The following FOXD1 variants were observed in gnomAD, a reference collection of about 807,000 sequenced individuals.
The protein encoded by FOXD1 is forkhead box protein D1.
Under a neutral mutation model 2.0 loss-of-function variants are expected in FOXD1, and 4 were observed. That is an observed-to-expected ratio of 2.03 (90% confidence interval 1.00 to 4.64). The LOEUF is 4.64. Ranked by LOEUF, FOXD1 falls within the 30% of genes most tolerant of loss-of-function variation. FOXD1 has a pLI of 0.01. For missense variants in FOXD1, 586 were observed against 647.6 expected, an observed-to-expected ratio of 0.90 and a Z score of 1.03; for synonymous variants, 354 against 328.5, an observed-to-expected ratio of 1.08 and a Z score of -0.84.
In FOXD1 at chr5:73,448,444, CGGCAGGCCCGGCCGGGG is replaced by C. The variant is rs1745555718; in HGVS notation, c.-99_-83del. ...TCTGCGCCCCAGCCCGGGTCCCGGG[CGGCAGGCCCGGCCGGGG>C]GGCGCCACGCTGGGGGCGCTGCGAC... On this transcript the variant is annotated 5_prime_UTR_variant, in exon 1 of 1. Coordinates refer to ENST00000615637, the MANE Select transcript of FOXD1 (RefSeq NM_004472.3). The C allele has an allele frequency of 2.2e-6, 2 of 917,046 alleles. No individual in the cohort carries two copies. Among genetic ancestry groups the C allele is most frequent in the Non-Finnish European group, 2.6e-6 (2 of 759,044 alleles). The allele number at this position is 917,046 out of a possible 1,614,324, so 56.8% of individuals were successfully genotyped here.
At position 73,447,258 on chromosome 5, in the gene FOXD1, C is replaced by G. The variant is rs1034279109; in HGVS notation, c.1105G>C (p.Gly369Arg). 7.1e-5 allele frequency: 70 copies of G among 991,274 alleles called. No individual in the cohort carries two copies. The African/African-American group carries it at 9.4e-4, about 13-fold the overall frequency. 61.4% of individuals were successfully genotyped at this position (991,274 alleles called of 1,614,324 possible). Residue 369 changes from glycine (G) to arginine (R), a missense_variant, in exon 1 of 1, where the codon GGG (glycine) becomes CGG (arginine). By Grantham distance (125) the Gly-to-Arg change is moderately radical (BLOSUM62 -2). This residue lies in a region of FOXD1 where 253 missense variants were observed against 234.4 expected (regional missense o/e 1.08). Coordinates refer to ENST00000615637, the MANE Select transcript of FOXD1 (RefSeq NM_004472.3). The surrounding 1 kb of genome is among the most constrained non-coding windows in gnomAD (Gnocchi z 7.8). The stretch of plus-strand genomic sequence containing the variant: ...GCGGCGGCCGGGCCCAAGCTGCCCC[C>G]GATGATGCTCTCGATGGAGAAGGGC... ...RSPFSIESII[G>R]GSLGPAAAAA... is the part of the protein sequence containing the mutation.
rs1184644657 is a variant in FOXD1 at position 73,447,788 on chromosome 5, T to A, written c.575A>T (p.Asn192Ile). The A allele has an allele frequency of 6.2e-7, 1 of 1,610,218 alleles. No homozygotes were observed. ...CGTCCAGTAGTTGCCCTTGCCCGGG[T>A]TGCCGGGCTCGCGGGGGATCTTGAC... ...CFVKIPREPG[N>I]PGKGNYWTLD... The change falls in exon 1 of 1, where the codon AAC becomes ATC. Residue 192 changes from asparagine (N) to isoleucine (I), a missense_variant. Around this residue, in one of 4 missense-constraint regions of FOXD1, gnomAD observed 104 missense variants for 175.4 expected, o/e 0.59. Transcript: ENST00000615637. This position sits in a 1 kb window ranked among gnomAD's most constrained non-coding sequence, Gnocchi z 7.8.
Position 73,447,275 on chromosome 5 carries a change from G to A in FOXD1, c.1088C>T (p.Ser363Phe). ...GASALARSPFSIESIIGGSLG... is the reference protein window; with the variant it reads ...GASALARSPFFIESIIGGSLG... Reference sequence around the variant, plus strand: ...GCTGCCCCCGATGATGCTCTCGATGGAGAAGGGCGAGCGCGCCAGCGCTGA... The same window carrying A: ...GCTGCCCCCGATGATGCTCTCGATGAAGAAGGGCGAGCGCGCCAGCGCTGA... The change falls in exon 1 of 1, where the codon TCC becomes TTC. Residue 363 changes from serine (S) to phenylalanine (F), a missense_variant. Ser to Phe is a radical substitution (Grantham distance 155). Coordinates refer to ENST00000615637, the MANE Select transcript of FOXD1 (RefSeq NM_004472.3). This position sits in a 1 kb window ranked among gnomAD's most constrained non-coding sequence, Gnocchi z 7.8. The A allele has an allele frequency of 2.0e-6, 2 of 990,056 alleles. No individual in the cohort carries two copies. Among genetic ancestry groups the A allele is most frequent in the Non-Finnish European group, 1.2e-6 (1 of 835,706 alleles). 61.3% of individuals were successfully genotyped at this position (990,056 alleles called of 1,614,324 possible). A position where few individuals can be genotyped will look rare whatever the true frequency, so the allele number is the denominator to read the frequency against.
At position 73,448,438 on chromosome 5, in the gene FOXD1, C is replaced by A; in HGVS notation, c.-76G>T. The A allele has an allele frequency of 1.0e-6, 1 of 990,848 alleles. No individual in the cohort carries two copies. The highest frequency in any genetic ancestry group is 1.2e-6 in the Non-Finnish European group (1 of 819,722). The allele number at this position is 990,848 out of a possible 1,614,324, so 61.4% of individuals were successfully genotyped here. ...GCTCCCTCTGCGCCCCAGCCCGGGT[C>A]CCGGGCGGCAGGCCCGGCCGGGGGG... On this transcript the variant is annotated 5_prime_UTR_variant, in exon 1 of 1. Coordinates refer to ENST00000615637, the MANE Select transcript of FOXD1 (RefSeq NM_004472.3).
rs1261592389 is a variant in FOXD1 at position 73,447,060 on chromosome 5, A to AGGCGGC, written c.1297_1302dup (p.Ala433_Ala434dup). On this transcript the variant is annotated inframe_insertion, in exon 1 of 1. Coordinates refer to ENST00000615637, the MANE Select transcript of FOXD1 (RefSeq NM_004472.3). The surrounding 1 kb of genome is among the most constrained non-coding windows in gnomAD (Gnocchi z 7.8). ...AAGGCGGCGGACGAGGAGACTGAGG[A>AGGCGGC]GGCGGCGGCGGCCGCGGCGGCCACG... 3 of 1,516,688 alleles carry AGGCGGC rather than the reference A, an allele frequency of 2.0e-6. No individual in the cohort carries two copies. In the South Asian group the frequency reaches 3.6e-5, roughly 18 times the overall value. 94.0% of individuals were successfully genotyped at this position (1,516,688 alleles called of 1,614,324 possible). A position where few individuals can be genotyped will look rare whatever the true frequency, so the allele number is the denominator to read the frequency against.
chr5:73,447,480 C>A lies in FOXD1; in HGVS notation c.883G>T (p.Ala295Ser), dbSNP rs1217552193. The change falls in exon 1 of 1, where the codon GCA (alanine) becomes TCA (serine). Residue 295 changes from alanine to serine, a missense_variant. By Grantham distance (99) the Ala-to-Ser change is moderately conservative (BLOSUM62 1). Coordinates refer to ENST00000615637, the MANE Select transcript of FOXD1 (RefSeq NM_004472.3). This position sits in a 1 kb window ranked among gnomAD's most constrained non-coding sequence, Gnocchi z 7.8. ...GCGGCGGCGGCGGCGGCGGCCGCTG[C>A]GGCGGCGAAGAGGGCCGAGGGCGGC... ...YAPPSALFAAAAAAAAAAAFH... is the reference protein window; with the variant it reads ...YAPPSALFAASAAAAAAAAFH... 4.0e-6 allele frequency: 4 copies of A among 996,512 alleles called. No homozygotes were observed. Among genetic ancestry groups the A allele is most frequent in the Non-Finnish European group, 4.8e-6 (4 of 840,674 alleles). The allele number at this position is 996,512 out of a possible 1,614,324, so 61.7% of individuals were successfully genotyped here.
In FOXD1 at chr5:73,447,308, G is replaced by C. The variant is rs951256776; in HGVS notation, c.1055C>G (p.Pro352Arg). 5.2e-5 allele frequency: 51 copies of C among 984,900 alleles called. 1 individual carries two copies. The highest frequency in any genetic ancestry group is 6.1e-5 in the Non-Finnish European group (51 of 831,218). 61.0% of individuals were successfully genotyped at this position (984,900 alleles called of 1,614,324 possible). A position where few individuals can be genotyped will look rare whatever the true frequency, so the allele number is the denominator to read the frequency against. The change falls in exon 1 of 1, where the codon CCG becomes CGG. Residue 352 changes from proline (P) to arginine (R), a missense_variant. By Grantham distance (103) the Pro-to-Arg change is moderately radical. Coordinates refer to ENST00000615637, the MANE Select transcript of FOXD1 (RefSeq NM_004472.3). This position sits in a 1 kb window ranked among gnomAD's most constrained non-coding sequence, Gnocchi z 7.8. ...CGAGCGCGCCAGCGCTGAGGCGCCC[G>C]GGCCGCCCGCCTTGGCCGCGGAGGC... ...LPASAAKAGG[P>R]GASALARSPF...
At position 73,448,059 on chromosome 5, in the gene FOXD1, C is replaced by G; in HGVS notation, c.304G>C (p.Gly102Arg). 8.2e-7 allele frequency: 1 copy of G among 1,214,048 alleles called. No homozygotes were observed. The highest frequency in any genetic ancestry group is 1.0e-6 in the Non-Finnish European group (1 of 971,420). 75.2% of individuals were successfully genotyped at this position (1,214,048 alleles called of 1,614,324 possible). The change falls in exon 1 of 1, where the codon GGG (glycine) becomes CGG (arginine). Residue 102 changes from glycine to arginine, a missense_variant. Gly to Arg is a moderately radical substitution (Grantham distance 125). Coordinates refer to ENST00000615637, the MANE Select transcript of FOXD1 (RefSeq NM_004472.3). Reference protein sequence around the residue: ...PAPAAGAGAGGGGGGGGAGGG... With the variant: ...PAPAAGAGAGRGGGGGGAGGG... ...CCCGCGCCGCCGCCGCCGCCGCCCCCACCGGCTCCTGCCCCCGCCGCCGGG... is the reference window on the plus strand; with the variant it reads ...CCCGCGCCGCCGCCGCCGCCGCCCCGACCGGCTCCTGCCCCCGCCGCCGGG...
rs766114751 is a variant in FOXD1, at chr5:73,447,779, T to G, written c.584A>C (p.Lys195Thr). ...CGGGTCCAGCGTCCAGTAGTTGCCC[T>G]TGCCCGGGTTGCCGGGCTCGCGGGG... ...KIPREPGNPGKGNYWTLDPES... is the reference protein window; with the variant it reads ...KIPREPGNPGTGNYWTLDPES... The change falls in exon 1 of 1, where the codon AAG (lysine) becomes ACG (threonine). Residue 195 changes from lysine (K) to threonine (T), a missense_variant. Lys to Thr is a moderately conservative substitution (Grantham distance 78). Around this residue, in one of 4 missense-constraint regions of FOXD1, gnomAD observed 104 missense variants for 175.4 expected, o/e 0.59. Transcript: ENST00000615637. The surrounding 1 kb of genome is among the most constrained non-coding windows in gnomAD (Gnocchi z 7.8). 6.2e-7 allele frequency: 1 copy of G among 1,611,448 alleles called. No homozygotes were observed. Among genetic ancestry groups the G allele is most frequent in the Non-Finnish European group, 8.5e-7 (1 of 1,178,852 alleles).
rs1745529723 is a variant in FOXD1, at chr5:73,447,577, G to A, written c.786C>T (p.Pro262=). The A allele has an allele frequency of 2.4e-5, 27 of 1,109,530 alleles. No homozygotes were observed. The highest frequency in any genetic ancestry group is 3.0e-5 in the Non-Finnish European group (27 of 906,270). The allele number at this position is 1,109,530 out of a possible 1,614,324, so 68.7% of individuals were successfully genotyped here. A position where few individuals can be genotyped will look rare whatever the true frequency, so the allele number is the denominator to read the frequency against. The part of the protein sequence containing the change: ...AAAAALFPPA[P]PPPPHAYGYG... Reference sequence around the variant, plus strand: ...AGCCGTAGGCATGCGGGGGCGGCGGGGGCGCGGGCGGGAAGAGCGCGGCGG... The same window carrying A: ...AGCCGTAGGCATGCGGGGGCGGCGGAGGCGCGGGCGGGAAGAGCGCGGCGG... Residue 262 remains proline, a synonymous_variant, in exon 1 of 1, where the codon CCC becomes CCT. Transcript: ENST00000615637. The surrounding 1 kb of genome is among the most constrained non-coding windows in gnomAD (Gnocchi z 7.8).
chr5:73,448,536 C>T lies in FOXD1; in HGVS notation c.-174G>A. ...GCTGCCGGGTGGCGGCGGAGTCTCG[C>T]GCGCCGACTTTATAACTCCTGCGCC... On this transcript the variant is annotated 5_prime_UTR_variant, in exon 1 of 1. Transcript: ENST00000615637. The T allele has an allele frequency of 4.7e-6, 1 of 212,496 alleles. No individual in the cohort carries two copies. Among genetic ancestry groups the T allele is most frequent in the Non-Finnish European group, 8.1e-6 (1 of 123,394 alleles). 13.2% of individuals were successfully genotyped at this position (212,496 alleles called of 1,614,324 possible).
chr5:73,448,315 T>C lies in FOXD1; in HGVS notation c.48A>G (p.Glu16=). ...CCTCCCCCACCACGTCGATGTCTGT[T>C]TCCTCGGCGAGGCCAGAGGCATCGG... ...EMSDASGLAE[E]TDIDVVGEGE... The change falls in exon 1 of 1, where the codon GAA becomes GAG. Residue 16 remains glutamate, a synonymous_variant. Coordinates refer to ENST00000615637, the MANE Select transcript of FOXD1 (RefSeq NM_004472.3). The C allele has an allele frequency of 1.4e-6, 2 of 1,448,338 alleles. No individual in the cohort carries two copies. The highest frequency in any genetic ancestry group is 1.8e-6 in the Non-Finnish European group (2 of 1,089,640). The allele number at this position is 1,448,338 out of a possible 1,614,324, so 89.7% of individuals were successfully genotyped here.
chr5:73,448,345 C>G lies in FOXD1; in HGVS notation c.18G>C (p.Glu6Asp), dbSNP rs1423864143. 7.0e-7 allele frequency: 1 copy of G among 1,430,068 alleles called. No individual in the cohort carries two copies. The highest frequency in any genetic ancestry group is 9.3e-7 in the Non-Finnish European group (1 of 1,079,062). The allele number at this position is 1,430,068 out of a possible 1,614,324, so 88.6% of individuals were successfully genotyped here. A position where few individuals can be genotyped will look rare whatever the true frequency, so the allele number is the denominator to read the frequency against. Residue 6 changes from glutamate (E) to aspartate (D), a missense_variant, in exon 1 of 1, where the codon GAG (glutamate) becomes GAC (aspartate). Physicochemically the swap from Glu to Asp is conservative, Grantham distance 45 (BLOSUM62 2). Coordinates refer to ENST00000615637, the MANE Select transcript of FOXD1 (RefSeq NM_004472.3). MTLST[E>D]MSDASGLAEE... Reference sequence around the variant, plus strand: ...CGGCGAGGCCAGAGGCATCGGACATCTCAGTGCTCAGGGTCATAGCTGTGG... The same window carrying G: ...CGGCGAGGCCAGAGGCATCGGACATGTCAGTGCTCAGGGTCATAGCTGTGG...
chr5:73,447,477 C>T lies in FOXD1; in HGVS notation c.886G>A (p.Ala296Thr). The change falls in exon 1 of 1, where the codon GCG becomes ACG. Residue 296 changes from alanine (A) to threonine (T), a missense_variant. Physicochemically the swap from Ala to Thr is moderately conservative, Grantham distance 58 (BLOSUM62 0). Transcript: ENST00000615637. The surrounding 1 kb of genome is among the most constrained non-coding windows in gnomAD (Gnocchi z 7.8). ...AAGGCGGCGGCGGCGGCGGCGGCCG[C>T]TGCGGCGGCGAAGAGGGCCGAGGGC... ...APPSALFAAA[A>T]AAAAAAAFHP... 2.0e-6 allele frequency: 2 copies of T among 997,210 alleles called. No individual in the cohort carries two copies. The highest frequency in any genetic ancestry group is 1.8e-5 in the African/African-American group (1 of 56,536). 61.8% of individuals were successfully genotyped at this position (997,210 alleles called of 1,614,324 possible).
Position 73,447,960 on chromosome 5 carries a change from T to G in FOXD1, c.403A>C (p.Thr135Pro). 6.2e-7 allele frequency: 1 copy of G among 1,600,696 alleles called. No individual in the cohort carries two copies. Among genetic ancestry groups the G allele is most frequent in the Non-Finnish European group, 8.5e-7 (1 of 1,173,696 alleles). ...KPPYSYIALI[T>P]MAILQSPKKR... Reference sequence around the variant, plus strand: ...TTGGGGCTCTGCAGGATGGCCATAGTGATGAGCGCGATATACGAGTAGGGC... The same window carrying G: ...TTGGGGCTCTGCAGGATGGCCATAGGGATGAGCGCGATATACGAGTAGGGC... Residue 135 changes from threonine to proline, a missense_variant, in exon 1 of 1, where the codon ACT becomes CCT. Transcript: ENST00000615637. This position sits in a 1 kb window ranked among gnomAD's most constrained non-coding sequence, Gnocchi z 7.8.
chr5:73,448,043 C>T lies in FOXD1; in HGVS notation c.320G>A (p.Gly107Asp). ...GAGAGGGGGG[G>D]GAGGGGSAGS... is the part of the protein sequence containing the mutation. ...CGCGCTCCCGCCGCCGCCCGCGCCG[C>T]CGCCGCCGCCGCCCCCACCGGCTCC... The change falls in exon 1 of 1, where the codon GGC becomes GAC. Residue 107 changes from glycine (G) to aspartate (D), a missense_variant. This residue lies in a region of FOXD1 where 104 missense variants were observed against 175.4 expected (regional missense o/e 0.59). Transcript: ENST00000615637. 4.8e-6 allele frequency: 6 copies of T among 1,245,304 alleles called. No homozygotes were observed. Among genetic ancestry groups the T allele is most frequent in the Non-Finnish European group, 6.1e-6 (6 of 986,698 alleles). 77.1% of individuals were successfully genotyped at this position (1,245,304 alleles called of 1,614,324 possible). A position where few individuals can be genotyped will look rare whatever the true frequency, so the allele number is the denominator to read the frequency against.
Position 73,448,428 on chromosome 5 carries a change from C to G in FOXD1, c.-66G>C, listed in dbSNP as rs1424689595. The G allele has an allele frequency of 9.7e-7, 1 of 1,029,642 alleles. No individual in the cohort carries two copies. Among genetic ancestry groups the G allele is most frequent in the Non-Finnish European group, 1.2e-6 (1 of 846,812 alleles). 63.8% of individuals were successfully genotyped at this position (1,029,642 alleles called of 1,614,324 possible). A position where few individuals can be genotyped will look rare whatever the true frequency, so the allele number is the denominator to read the frequency against. ...CGGGCTCCGGGCTCCCTCTGCGCCC[C>G]AGCCCGGGTCCCGGGCGGCAGGCCC... On this transcript the variant is annotated 5_prime_UTR_variant, in exon 1 of 1. Transcript: ENST00000615637.
In FOXD1 at chr5:73,448,500, G is replaced by A; in HGVS notation, c.-138C>T. On this transcript the variant is annotated 5_prime_UTR_variant, in exon 1 of 1. Coordinates refer to ENST00000615637, the MANE Select transcript of FOXD1 (RefSeq NM_004472.3). ...GGGCGCTGCGACTGCGGCTGCCGGA[G>A]CTGCGCCGGGGCTGCCGGGTGGCGG... The A allele has an allele frequency of 2.6e-6, 1 of 378,810 alleles. No individual in the cohort carries two copies. Among genetic ancestry groups the A allele is most frequent in the Non-Finnish European group, 3.6e-6 (1 of 275,340 alleles). 23.5% of individuals were successfully genotyped at this position (378,810 alleles called of 1,614,324 possible).
At position 73,446,738 on chromosome 5, in the gene FOXD1, T is replaced by G; in HGVS notation, c.*227A>C. ...TTCCTCCCTACCCCAGGTCGGGGGT[T>G]GGGGGGCTGTAGCATAGGTCGGCTT... On this transcript the variant is annotated 3_prime_UTR_variant, in exon 1 of 1. Coordinates refer to ENST00000615637, the MANE Select transcript of FOXD1 (RefSeq NM_004472.3). The G allele has an allele frequency of 2.2e-6, 1 of 447,516 alleles. No individual in the cohort carries two copies. Among genetic ancestry groups the G allele is most frequent in the Non-Finnish European group, 4.1e-6 (1 of 246,680 alleles). The allele number at this position is 447,516 out of a possible 1,614,324, so 27.7% of individuals were successfully genotyped here. A position where few individuals can be genotyped will look rare whatever the true frequency, so the allele number is the denominator to read the frequency against.
Sources: gnomAD v4.1 joint callset for allele counts on GRCh38, gnomAD v4.1.1 for gene constraint, gnomAD v4.1.1 regional missense constraint, Gnocchi (gnomAD v3.1) non-coding constraint, MANE v1.5 for transcripts, NCBI Gene and HGNC (gene_info 2026-07-23, HGNC 2026-07-21) for gene names.